NRP1: variants seen among roughly 807,000 people sequenced by gnomAD.
NRP1 encodes the protein neuropilin-1.
In NRP1, 35 loss-of-function variants were observed where a neutral mutation model predicts 106.7. That is an observed-to-expected ratio of 0.33 (90% CI 0.25 to 0.43). The LOEUF (loss-of-function observed/expected upper bound fraction) is 0.43. Among genes scored for constraint, NRP1 ranks in the 20% least tolerant of loss-of-function variants. The pLI, the probability that NRP1 is intolerant of heterozygous loss-of-function variation, is 1.00. For missense variants in NRP1, 1,024 were observed against 1,170.4 expected (o/e 0.87, Z 1.83); for synonymous variants, 437 against 417.9 (o/e 1.05, Z -0.56).
intron 2 of NRP1, among the ~76,000 whole-genome samples, chr10:33,319,415 A>G (rs1847292760): frequency 1.3e-5 from 2 of 152,044 alleles, no homozygotes; most frequent in Non-Finnish European, 1.5e-5. Context: ...AAATGGACCA[A>G]TGAACAGGAC....
At chr10:33,193,110 T>G (rs940324068) in intron 12 of NRP1, among the ~76,000 whole-genome samples, 1 of 152,198 alleles carries the variant, frequency 6.6e-6, no homozygotes, top group Non-Finnish European at 1.5e-5. Context: ...AAAGCCCATT[T>G]CAATAGCTAC....
In NRP1 at chr10:33,252,245, T is replaced by A. The variant is rs188282261; in HGVS notation, c.981+1783A>T. ...AGGAGAAAACCATCTCCCTTCCGGC[T>A]CCCCCAGCAATAAAACCTTGCACGC... is the stretch of plus-strand genomic sequence containing the variant. On this transcript the variant is annotated intron_variant, in intron 6 of 16. Coordinates refer to ENST00000374867, the MANE Select transcript of NRP1 (RefSeq NM_003873.7). Among the ~76,000 whole-genome samples, 133 of 151,836 alleles carry A rather than the reference T, an allele frequency of 8.8e-4. 1 individual carries two copies. Among genetic ancestry groups the A allele is most frequent in the African/African-American group, 2.5e-3 (103 of 41,420 alleles).
Position 33,206,255 on chromosome 10 carries a change from C to T in NRP1, c.1759+1317G>A, listed in dbSNP as rs201640398. 170 of 518,922 alleles carry T rather than the reference C, an allele frequency of 3.3e-4. 2 individuals are homozygous for T. Among genetic ancestry groups the T allele is most frequent in the South Asian group, 1.8e-4 (13 of 71,602 alleles). The allele number at this position is 518,922 out of a possible 1,614,324, so 32.1% of individuals were successfully genotyped here. On this transcript the variant is annotated intron_variant, in intron 10 of 16. Coordinates refer to ENST00000374867, the MANE Select transcript of NRP1 (RefSeq NM_003873.7). Reference sequence around the variant, plus strand: ...CACATTTCTCCGTGAATTGAACGAACGCATCTGCAGTGAGTGGAGTCTGCC... The same window carrying T: ...CACATTTCTCCGTGAATTGAACGAATGCATCTGCAGTGAGTGGAGTCTGCC...
intron 2 of NRP1, among the ~76,000 whole-genome samples, chr10:33,299,881 G>A (rs994845334): frequency 2.0e-5 from 3 of 152,124 alleles, no homozygotes; most frequent in Admixed American, 1.3e-4. Context: ...ATAGAAGCTG[G>A]GGACTTTAGG....
At chr10:33,287,257 CT>C (rs925485989) in intron 2 of NRP1, among the ~76,000 whole-genome samples, 3 of 152,162 alleles carry the variant, frequency 2.0e-5, no homozygotes, top group Non-Finnish European at 4.4e-5. Context: ...AAAATACTTT[CT>C]CATTAATGTG....
intron 15 of NRP1, among the ~76,000 whole-genome samples, chr10:33,184,920 T>C (rs150871995): frequency 2.0e-5 from 3 of 152,334 alleles, no homozygotes; most frequent in African/African-American, 7.2e-5. Context: ...TAATGATGTA[T>C]AACAAAAGTT....
intron 2 of NRP1, among the ~76,000 whole-genome samples, chr10:33,303,807 C>T (rs2132720697): frequency 6.6e-6 from 1 of 152,330 alleles, no homozygotes; most frequent in East Asian, 1.9e-4. Flanking sequence ...AGTCCTGACT[C>T]CCCACTTGAC....
Position 33,270,695 on chromosome 10 carries a change from C to T in NRP1, c.410G>A (p.Arg137His), listed in dbSNP as rs150347665. The T allele has an allele frequency of 1.2e-5, 20 of 1,610,064 alleles. No homozygotes were observed. The highest frequency in any genetic ancestry group is 2.2e-5 in the East Asian group (1 of 44,776). ...YETHGAGFSI[R>H]YEIFKRGPEC... ...CTCACCTCTCTTGAAAATTTCATAACGTATGGAAAATCCTGCACCATGTGT... is the reference window on the plus strand; with the variant it reads ...CTCACCTCTCTTGAAAATTTCATAATGTATGGAAAATCCTGCACCATGTGT... Residue 137 changes from arginine to histidine, a missense_variant, in exon 3 of 17, where the codon CGT (arginine) becomes CAT (histidine). This residue lies in a region of NRP1 where 279 missense variants were observed against 327.4 expected (regional missense o/e 0.85). Transcript: ENST00000374867.
chr10:33,237,186 C>T (rs960751908), intron 6 of NRP1, among the ~76,000 whole-genome samples: 16 of 152,114 alleles, frequency 1.1e-4, no homozygotes, highest in Admixed American at 1.3e-4. Context: ...AAAAGCATTT[C>T]GTCCATTAAA....
At chr10:33,260,814 A>C (rs1842517676) in intron 4 of NRP1, among the ~76,000 whole-genome samples, 1 of 152,108 alleles carries the variant, frequency 6.6e-6, no homozygotes, top group South Asian at 2.1e-4. Flanking sequence ...CTAGTCATTT[A>C]ATTCAGTGTT....
chr10:33,277,873 C>T (rs565255559), intron 2 of NRP1, among the ~76,000 whole-genome samples: 1 of 152,044 alleles, frequency 6.6e-6, no homozygotes, highest in South Asian at 2.1e-4. Context: ...TTCACTCATT[C>T]ATTCATTCAT....
rs140671435 is a variant in NRP1, at chr10:33,204,624, G to A, written c.1760-1629C>T. On this transcript the variant is annotated intron_variant, in intron 10 of 16. Transcript: ENST00000374867. ...AGTTCCGCATTGTAAATGGCCCGAG[G>A]TAGTCCCTAGATTCACTAGATTCAA... Among the ~76,000 whole-genome samples, 11 of 152,148 alleles carry A rather than the reference G, an allele frequency of 7.2e-5. No individual in the cohort carries two copies. In the East Asian group the frequency reaches 2.1e-3, roughly 29 times the overall value.
chr10:33,249,608 C>G (rs981702394), intron 6 of NRP1: 1 of 447,686 alleles, frequency 2.2e-6, no homozygotes. Context: ...ATAAGATCAG[C>G]AGCTCTGGGA....
intron 8 of NRP1, among the ~76,000 whole-genome samples, chr10:33,216,163 A>G (rs1403299667): frequency 7.3e-6 from 1 of 136,902 alleles, no homozygotes; most frequent in African/African-American, 2.7e-5. Flanking sequence ...TTTGAGAAGG[A>G]GTCTCGCTCT....
chr10:33,266,758 G>T (rs1049744777), intron 3 of NRP1, among the ~76,000 whole-genome samples: 6 of 152,240 alleles, frequency 3.9e-5, no homozygotes, highest in African/African-American at 1.4e-4. Flanking sequence ...GAATAGTTTA[G>T]CACTATCCCC....
chr10:33,318,152 C>T (rs1025458396), intron 2 of NRP1, among the ~76,000 whole-genome samples: 2 of 152,124 alleles, frequency 1.3e-5, no homozygotes, highest in African/African-American at 2.4e-5. Context: ...ACTTTTGTTT[C>T]GGAATTAAAG....
intron 6 of NRP1, among the ~76,000 whole-genome samples, chr10:33,243,264 T>C (rs1841158544): frequency 6.6e-6 from 1 of 152,046 alleles, no homozygotes; most frequent in Admixed American, 6.5e-5. Flanking sequence ...ATTTGCTATG[T>C]GCTGCCTCAC....
intron 9 of NRP1, chr10:33,211,561 G>A (rs1411381713): frequency 6.6e-6 from 1 of 152,218 alleles, no homozygotes; most frequent in African/African-American, 2.4e-5. Flanking sequence ...AGGGAGAGAT[G>A]GGAGAGAGAT....
chr10:33,282,752 T>G (rs1474628919), intron 2 of NRP1, among the ~76,000 whole-genome samples: 2 of 148,408 alleles, frequency 1.3e-5, no homozygotes, highest in Non-Finnish European at 3.0e-5. Context: ...GAACTTTTCT[T>G]TTTTTTTTTT....
Sources: gnomAD v4.1 joint callset for allele counts (sites outside exome capture counted in the v4.1 genomes callset) on GRCh38, gnomAD v4.1.1 for gene constraint, gnomAD v4.1.1 regional missense constraint, MANE v1.5 for transcripts, NCBI Gene and HGNC (gene_info 2026-07-23, HGNC 2026-07-21) for gene names.